Variants in UNC13C observed in about 807,000 individuals in gnomAD.
UNC13C encodes protein unc-13 homolog C.
In UNC13C, 174 loss-of-function variants were observed where a neutral mutation model predicts 245.4. The observed-to-expected ratio is 0.71, with a 90% CI of 0.63 to 0.80. The LOEUF is 0.80. Among genes scored for constraint, UNC13C ranks in the 30% least tolerant of loss-of-function variants. The pLI, the probability that UNC13C is intolerant of heterozygous loss-of-function variation, is 0.00. For missense variants in UNC13C, 2,829 were observed against 2,602.9 expected (o/e 1.09, Z -1.89); for synonymous variants, 992 against 895.1 (o/e 1.11, Z -1.93).
At chr15:54,220,840 C>A (rs1215654708) in intron 4 of UNC13C, among the ~76,000 whole-genome samples, 1 of 151,832 alleles carries the variant, frequency 6.6e-6, no homozygotes, top group African/African-American at 2.4e-5. Context: ...GGCTTGTTTG[C>A]CTGTTTTGGT....
chr15:54,396,283 C>T (rs895653332), intron 18 of UNC13C, among the ~76,000 whole-genome samples: 1 of 151,664 alleles, frequency 6.6e-6, no homozygotes, highest in Non-Finnish European at 1.5e-5. Context: ...GGCAATGCCC[C>T]TCATCTGCTT....
chr15:53,906,187 G>A, the UNC13C span, among the ~76,000 whole-genome samples: 4 of 152,068 alleles, frequency 2.6e-5, no homozygotes, highest in African/African-American at 4.8e-5. Flanking sequence ...TTAGGTGGGC[G>A]TGGTGGTGCA....
intron 30 of UNC13C, among the ~76,000 whole-genome samples, chr15:54,588,621 T>C (rs1364947535): frequency 1.3e-5 from 2 of 152,196 alleles, no homozygotes; most frequent in Non-Finnish European, 2.9e-5. Context: ...ATATTTCTTG[T>C]CTTTTATCCC....
intron 19 of UNC13C, among the ~76,000 whole-genome samples, chr15:54,455,205 C>CTATATATA (rs1214014395): frequency 0.014 from 265 of 18,886 alleles, 13 homozygotes; most frequent in South Asian, 0.021. Context: ...CTCTCTCTCT[C>CTATATATA]TATATATATA....
chr15:54,374,116 G>C (rs1017580764), intron 17 of UNC13C, among the ~76,000 whole-genome samples: 11 of 152,156 alleles, frequency 7.2e-5, no homozygotes, highest in Middle Eastern at 3.2e-3. Context: ...CCCCAAGTCT[G>C]TCTGAGTCTG....
intron 19 of UNC13C, among the ~76,000 whole-genome samples, chr15:54,471,679 A>G (rs72736532): frequency 0.14 from 21,346 of 151,380 alleles, 1,547 homozygotes; most frequent in Non-Finnish European, 0.17. Context: ...CATATGATCT[A>G]TCTTGGAAAA....
intron 30 of UNC13C, among the ~76,000 whole-genome samples, chr15:54,570,203 C>T (rs1897693459): frequency 1.3e-5 from 2 of 152,164 alleles, no homozygotes; most frequent in South Asian, 4.1e-4. Context: ...CAATTCCTGT[C>T]AGTGTCTCCT....
intron 30 of UNC13C, among the ~76,000 whole-genome samples, chr15:54,579,484 C>G (rs1411813344): frequency 6.6e-6 from 1 of 152,074 alleles, no homozygotes; most frequent in Non-Finnish European, 1.5e-5. Flanking sequence ...CTTGGCCGGG[C>G]ATGGTGGCTC....
upstream of UNC13C, among the ~76,000 whole-genome samples, chr15:53,977,773 A>G (rs1318693810): frequency 6.6e-6 from 1 of 152,240 alleles, no homozygotes; most frequent in Non-Finnish European, 1.5e-5. Flanking sequence ...AAGAGAAAGC[A>G]AGTCCATTCA....
At position 54,147,789 on chromosome 15, in the gene UNC13C, C is replaced by CGTGTGTGT. The variant is rs56353727; in HGVS notation, c.3071+4120_3071+4127dup. Among the ~76,000 whole-genome samples the CGTGTGTGT allele has an allele frequency of 1.4e-3, 203 of 147,570 alleles. 1 individual carries two copies. Among genetic ancestry groups the CGTGTGTGT allele is most frequent in the South Asian group, 5.0e-3 (23 of 4,572 alleles). The stretch of plus-strand genomic sequence containing the variant: ...TATAAGAAGCATTGCAAGGTGTGTG[C>CGTGTGTGT]GTGTGTGTGTGTGTGTGTGTGTATG... On this transcript the variant is annotated intron_variant, in intron 4 of 32. Transcript: ENST00000260323.
At chr15:54,001,290 G>A (rs932210559) in intron 1 of UNC13C, among the ~76,000 whole-genome samples, 2 of 152,316 alleles carry the variant, frequency 1.3e-5, no homozygotes, top group East Asian at 3.9e-4. Flanking sequence ...TATAGTAAGG[G>A]TGTTTGTATG....
chr15:54,264,254 G>A lies in UNC13C; in HGVS notation c.3535G>A (p.Glu1179Lys), dbSNP rs766485288. 111 of 1,598,174 alleles carry A rather than the reference G, an allele frequency of 6.9e-5. 3 individuals are homozygous for A. Among genetic ancestry groups the A allele is most frequent in the Non-Finnish European group, 7.7e-6 (9 of 1,171,938 alleles). The change falls in exon 9 of 33, where the codon GAG becomes AAG. Residue 1179 changes from glutamate (E) to lysine (K), a missense_variant. Transcript: ENST00000260323. The stretch of plus-strand genomic sequence containing the variant: ...AATGAAAGAAAGAATGAAGATCAGG[G>A]AGAAAAACCGGCCAGAAGTATTTGA... ...TAMKERMKIR[E>K]KNRPEVFEVI...
At chr15:53,996,478 G>C (rs12708433) in intron 1 of UNC13C, among the ~76,000 whole-genome samples, 87,943 of 151,934 alleles carry the variant, frequency 0.58, 27,274 homozygotes, top group Middle Eastern at 0.74. Flanking sequence ...TTATTATTTA[G>C]ATATTTTTAT....
chr15:54,061,541 C>T (rs2141077567), intron 2 of UNC13C, among the ~76,000 whole-genome samples: 1 of 152,138 alleles, frequency 6.6e-6, no homozygotes, highest in Admixed American at 6.5e-5. Flanking sequence ...GTATACAGCC[C>T]CTATGTCCAA....
Position 54,014,907 on chromosome 15 carries a change from G to A in UNC13C, c.2004G>A (p.Leu668=), listed in dbSNP as rs909070764. ...KEWNQGADLG[L]DSSTQEGFDY... ...GGAATCAAGGAGCTGATTTAGGCTT[G>A]GATTCATCCACCCAGGAAGGTTTTG... Residue 668 remains leucine (L), a synonymous_variant, in exon 2 of 33, where the codon TTG becomes TTA. Coordinates refer to ENST00000260323, the MANE Select transcript of UNC13C (RefSeq NM_001080534.3). The A allele has an allele frequency of 1.9e-6, 3 of 1,613,740 alleles. No homozygotes were observed. Among genetic ancestry groups the A allele is most frequent in the African/African-American group, 2.7e-5 (2 of 74,892 alleles).
intron 19 of UNC13C, among the ~76,000 whole-genome samples, chr15:54,424,734 T>G (rs2040722987): frequency 6.6e-6 from 1 of 151,690 alleles, no homozygotes; most frequent in Admixed American, 6.6e-5. Context: ...GAAAATGGCA[T>G]TTTTAGAATC....
At chr15:54,291,820 G>T (rs548798048) in intron 10 of UNC13C, among the ~76,000 whole-genome samples, 1 of 151,858 alleles carries the variant, frequency 6.6e-6, no homozygotes, top group African/African-American at 2.4e-5. Flanking sequence ...ACAAAGTAAC[G>T]CATGACTTAA....
intron 18 of UNC13C, among the ~76,000 whole-genome samples, chr15:54,396,067 C>G (rs1343811565): frequency 6.6e-6 from 1 of 150,390 alleles, no homozygotes; most frequent in East Asian, 1.9e-4. Flanking sequence ...AGGTTTCTGT[C>G]TCTTTTTCTT....
chr15:54,550,827 C>T (rs187377408), intron 28 of UNC13C, among the ~76,000 whole-genome samples: 1 of 152,268 alleles, frequency 6.6e-6, no homozygotes, highest in East Asian at 1.9e-4. Flanking sequence ...TTTCTGGAGC[C>T]TACTTTGAAA....
Sources: allele counts gnomAD v4.1 joint callset (sites outside exome capture counted in the v4.1 genomes callset), GRCh38; gene constraint gnomAD v4.1.1; transcripts MANE v1.5; gene names NCBI Gene and HGNC (gene_info 2026-07-23, HGNC 2026-07-21).